ZNF723: variants seen among roughly 807,000 people sequenced by gnomAD.
ZNF723 encodes zinc finger protein 723.
Under a neutral mutation model 9.4 loss-of-function variants are expected in ZNF723, and 5 were observed. The ratio of observed to expected loss-of-function variants is 0.53; its 90% CI spans 0.28 to 1.12. The LOEUF (loss-of-function observed/expected upper bound fraction) is 1.12, where lower values mean the gene tolerates loss of function less well. Among genes scored for constraint, ZNF723 ranks in the 50% most tolerant of loss-of-function variants. The pLI, the probability that ZNF723 is intolerant of heterozygous loss-of-function variation, is 0.10. For synonymous variants in ZNF723, 158 were observed against 168.8 expected (o/e 0.94, Z 0.49); for missense variants, 450 against 501.5 (o/e 0.90, Z 0.98).
intron 1 of ZNF723, among the ~76,000 whole-genome samples, chr19:22,833,847 C>G (rs1026436362): frequency 1.2e-4 from 18 of 151,466 alleles, no homozygotes; most frequent in Non-Finnish European, 2.2e-4. Context: ...CTCAGGTGAT[C>G]CACCCGCCTC....
At chr19:22,850,166 A>G (rs1052811546) in intron 3 of ZNF723, among the ~76,000 whole-genome samples, 2 of 149,734 alleles carry the variant, frequency 1.3e-5, no homozygotes, top group African/African-American at 4.9e-5. Flanking sequence ...AGTTTTATGT[A>G]AATTTTAGGA....
intron 1 of ZNF723, chr19:22,840,960 A>C (rs1967236767): frequency 6.6e-6 from 1 of 152,306 alleles, no homozygotes; most frequent in African/African-American, 2.4e-5. Context: ...CTGCTGTGGC[A>C]ATTGGGGTTC....
the ZNF723 span, among the ~76,000 whole-genome samples, chr19:22,825,724 T>C: frequency 6.6e-6 from 1 of 152,244 alleles, no homozygotes; most frequent in Non-Finnish European, 1.5e-5. Flanking sequence ...GACATATCAC[T>C]GGGCCCAGCA....
intron 1 of ZNF723, among the ~76,000 whole-genome samples, chr19:22,845,889 CTTTTT>C (rs1214348571): frequency 4.8e-5 from 6 of 124,372 alleles, no homozygotes; most frequent in African/African-American, 1.5e-4. Flanking sequence ...AAAAATATGC[CTTTTT>C]TTTTTTTTTT....
intron 1 of ZNF723, among the ~76,000 whole-genome samples, chr19:22,836,623 C>A (rs574899612): frequency 6.6e-6 from 1 of 152,218 alleles, no homozygotes; most frequent in South Asian, 2.1e-4. Context: ...TTTATTTTGG[C>A]TCAGACTGAG....
chr19:22,858,106 CT>C lies in ZNF723; in HGVS notation c.1218del (p.Phe406LeufsTer12). ...PYKCEECGKA[F>X]NQSSALTTHK... ...ACAAATGTGAAGAATGTGGCAAAGC[CT>C]TTAACCAATCCTCAGCCCTTACTAC... On this transcript the variant is annotated frameshift_variant, in exon 4 of 4. Coordinates refer to ENST00000600766, the MANE Select transcript of ZNF723 (RefSeq NM_001349726.2). LOFTEE classifies it low-confidence loss of function (END_TRUNC). 1 of 1,477,924 alleles carries C rather than the reference CT, an allele frequency of 6.8e-7. No homozygotes were observed. 91.6% of individuals were successfully genotyped at this position (1,477,924 alleles called of 1,614,324 possible). A position where few individuals can be genotyped will look rare whatever the true frequency, so the allele number is the denominator to read the frequency against.
Position 22,853,466 on chromosome 19 carries a change from G to A in ZNF723, c.227-3652G>A, listed in dbSNP as rs1177349414. Among the ~76,000 whole-genome samples, 6 of 151,930 alleles carry A rather than the reference G, an allele frequency of 3.9e-5. No individual in the cohort carries two copies. The South Asian group carries it at 1.0e-3, about 26-fold the overall frequency. On this transcript the variant is annotated intron_variant, in intron 3 of 3. Transcript: ENST00000600766. ...TGAATAGATGCATTCTCCAGAGTGT[G>A]CTGTTTAATTTTTATATATTTATAA...
At chr19:22,857,031 T>C (rs902492639) in intron 3 of ZNF723, 87 bp from the exon 4 acceptor site, 1 of 576,824 alleles carries the variant, frequency 1.7e-6, no homozygotes, top group Non-Finnish European at 3.0e-6. Flanking sequence ...TCTTATGTAG[T>C]TTGTATAATT....
At position 22,849,228 on chromosome 19, in the gene ZNF723, C is replaced by T. The variant is rs1197603676; in HGVS notation, c.161C>T (p.Thr54Ile). 3 of 645,822 alleles carry T rather than the reference C, an allele frequency of 4.6e-6. No individual in the cohort carries two copies. The highest frequency in any genetic ancestry group is 2.3e-5 in the Admixed American group (1 of 43,404). 40.0% of individuals were successfully genotyped at this position (645,822 alleles called of 1,614,324 possible). Residue 54 changes from threonine to isoleucine, a missense_variant, in exon 3 of 4, where the codon ACC becomes ATC. Coordinates refer to ENST00000600766, the MANE Select transcript of ZNF723 (RefSeq NM_001349726.2). ...GVGVSKPDLI[T>I]CLEQGKEPWN... ...GGTGTCTCTAAGCCAGATTTAATCA[C>T]CTGTCTGGAGCAAGGAAAAGAGCCC...
upstream of ZNF723, among the ~76,000 whole-genome samples, chr19:22,831,348 G>A (rs1003773752): frequency 2.0e-5 from 3 of 151,878 alleles, no homozygotes; most frequent in African/African-American, 7.3e-5. Flanking sequence ...CCTGAGGTCA[G>A]GAGTTCGAGA....
the ZNF723 span, among the ~76,000 whole-genome samples, chr19:22,824,625 C>T: frequency 7.2e-5 from 11 of 152,164 alleles, no homozygotes; most frequent in African/African-American, 2.4e-4. Flanking sequence ...TCAGCTGGTG[C>T]AGAGAGTGTC....
intron 2 of ZNF723, among the ~76,000 whole-genome samples, chr19:22,848,947 G>A (rs951168566): frequency 6.6e-6 from 1 of 151,904 alleles, no homozygotes; most frequent in Admixed American, 6.6e-5. Flanking sequence ...TAGAGATGGG[G>A]TTTCACCATG....
At chr19:22,850,991 AGTTT>A (rs1967387555) in intron 3 of ZNF723, among the ~76,000 whole-genome samples, 2 of 151,974 alleles carry the variant, frequency 1.3e-5, no homozygotes, top group South Asian at 2.1e-4. Flanking sequence ...TATATTTTCC[AGTTT>A]GTTATTGATA....
chr19:22,812,949 G>GT, the ZNF723 span, among the ~76,000 whole-genome samples: 124 of 125,362 alleles, frequency 9.9e-4, no homozygotes, highest in East Asian at 2.1e-3. Flanking sequence ...TATAGAAGGT[G>GT]TTTTTTTTGT....
chr19:22,822,648 G>T, the ZNF723 span, among the ~76,000 whole-genome samples: 1,272 of 152,260 alleles, frequency 8.4e-3, 19 homozygotes, highest in African/African-American at 0.029. Context: ...GGATCACGAG[G>T]TCAGGAGATC....
At chr19:22,813,210 T>C in the ZNF723 span, among the ~76,000 whole-genome samples, 1 of 152,134 alleles carries the variant, frequency 6.6e-6, no homozygotes, top group Non-Finnish European at 1.5e-5. Flanking sequence ...GACTCTCAAA[T>C]TTAGAAATGG....
the ZNF723 span, among the ~76,000 whole-genome samples, chr19:22,814,948 G>C: frequency 6.6e-6 from 1 of 151,932 alleles, no homozygotes. Flanking sequence ...TATGTCACTG[G>C]GCCTATCACC....
At chr19:22,826,219 A>G in the ZNF723 span, among the ~76,000 whole-genome samples, 4 of 152,312 alleles carry the variant, frequency 2.6e-5, no homozygotes, top group East Asian at 7.7e-4. Context: ...CCATAGGGGA[A>G]CTGTGACATA....
chr19:22,844,903 G>A (rs1326051743), intron 1 of ZNF723, among the ~76,000 whole-genome samples: 2 of 152,166 alleles, frequency 1.3e-5, no homozygotes, highest in African/African-American at 4.8e-5. Flanking sequence ...GGATCATGAG[G>A]TCAGGAGATC....
Sources: gnomAD v4.1 joint callset for allele counts (sites outside exome capture counted in the v4.1 genomes callset) on GRCh38, gnomAD v4.1.1 for gene constraint, MANE v1.5 for transcripts, NCBI Gene and HGNC (gene_info 2026-07-23, HGNC 2026-07-21) for gene names.